Variants in DNAH6 observed in about 807,000 individuals in gnomAD.
DNAH6 encodes the protein axonemal beta dynein heavy chain 6.
In DNAH6, 340 loss-of-function variants were observed where a neutral mutation model predicts 491.4. The observed-to-expected ratio is 0.69, with a 90% CI of 0.63 to 0.76. The LOEUF (loss-of-function observed/expected upper bound fraction) is 0.76, where lower values mean the gene tolerates loss of function less well. Among genes scored for constraint, DNAH6 ranks in the 30% least tolerant of loss-of-function variants. The pLI is 0.00. For missense variants in DNAH6, 4,443 were observed against 4,972.2 expected, an observed-to-expected ratio of 0.89 and a Z score of 3.20; for synonymous variants, 1,603 against 1,686.1, an observed-to-expected ratio of 0.95 and a Z score of 1.21.
In DNAH6 at chr2:84,733,587, G is replaced by A. The variant is rs1201778527; in HGVS notation, c.10342+8G>A. Reference sequence around the variant, plus strand: ...CTATTTCCATACGCTTAGGTAATGTGACAAAAAGAACCTGCTGAGGAGGCT... The same window carrying A: ...CTATTTCCATACGCTTAGGTAATGTAACAAAAAGAACCTGCTGAGGAGGCT... On this transcript the variant is annotated splice_region_variant and intron_variant, in intron 62 of 76. Transcript: ENST00000389394. 1 of 1,549,812 alleles carries A rather than the reference G, an allele frequency of 6.5e-7. No individual in the cohort carries two copies. The highest frequency in any genetic ancestry group is 2.0e-5 in the Admixed American group (1 of 50,918).
the DNAH6 span, among the ~76,000 whole-genome samples, chr2:84,485,601 T>C: frequency 1.3e-5 from 2 of 152,140 alleles, no homozygotes; most frequent in Non-Finnish European, 2.9e-5. Context: ...GAGGCTGTAC[T>C]ACGTGCTGCT....
At chr2:84,670,228 C>G (rs1692597946) in intron 38 of DNAH6, 100 bp from the exon 39 acceptor site, 1 of 790,390 alleles carries the variant, frequency 1.3e-6, no homozygotes, top group Non-Finnish European at 2.0e-6. Flanking sequence ...TTTAACCTCT[C>G]TCTTTTTATC....
intron 5 of DNAH6, among the ~76,000 whole-genome samples, chr2:84,546,377 C>T (rs1678789845): frequency 1.3e-5 from 2 of 152,184 alleles, no homozygotes; most frequent in Admixed American, 6.5e-5. Context: ...AGTTGTTATA[C>T]TATATTGTTT....
chr2:84,747,860 G>A (rs1673115719), intron 63 of DNAH6, among the ~76,000 whole-genome samples: 1 of 152,176 alleles, frequency 6.6e-6, no homozygotes, highest in South Asian at 2.1e-4. Context: ...CCCAACTGCA[G>A]GCTTAACATC....
chr2:84,518,445 A>C (rs1675802428), intron 2 of DNAH6, among the ~76,000 whole-genome samples: 1 of 152,256 alleles, frequency 6.6e-6, no homozygotes, highest in Admixed American at 6.5e-5. Flanking sequence ...GTATTTAAAA[A>C]ATTGTGTGCA....
At position 84,638,447 on chromosome 2, in the gene DNAH6, G is replaced by A. The variant is rs138838654; in HGVS notation, c.4821+1070G>A. Among the ~76,000 whole-genome samples, 528 of 151,810 alleles carry A rather than the reference G, an allele frequency of 3.5e-3. 1 individual carries two copies. Among genetic ancestry groups the A allele is most frequent in the Non-Finnish European group, 5.5e-3 (375 of 67,918 alleles). The stretch of plus-strand genomic sequence containing the variant: ...TGTGACCACCAAGACCAAAATATAA[G>A]GCATTTTTAGGACTCCAGAAGACCC... On this transcript the variant is annotated intron_variant, in intron 31 of 76. Coordinates refer to ENST00000389394, the MANE Select transcript of DNAH6 (RefSeq NM_001370.2).
chr2:84,748,517 C>T (rs1673173967), intron 63 of DNAH6, among the ~76,000 whole-genome samples: 1 of 152,170 alleles, frequency 6.6e-6, no homozygotes, highest in South Asian at 2.1e-4. Flanking sequence ...CAAGGGTGAC[C>T]TTTGTTCCAG....
Position 84,588,994 on chromosome 2 carries a change from T to C in DNAH6, c.2610+40T>C, listed in dbSNP as rs760896647. The C allele has an allele frequency of 2.4e-5, 37 of 1,513,192 alleles. No homozygotes were observed. The African/African-American group carries it at 4.6e-4, about 19-fold the overall frequency. The allele number at this position is 1,513,192 out of a possible 1,614,324, so 93.7% of individuals were successfully genotyped here. ...ACACCATCTGTCTTAGAAATGTGTG[T>C]ATAGAAATGGCGTATATGCACAAGG... is the stretch of plus-strand genomic sequence containing the variant. On this transcript the variant is annotated intron_variant, in intron 16 of 76. Coordinates refer to ENST00000389394, the MANE Select transcript of DNAH6 (RefSeq NM_001370.2).
intron 15 of DNAH6, among the ~76,000 whole-genome samples, chr2:84,586,012 A>G (rs995965751): frequency 5.3e-5 from 8 of 152,158 alleles, no homozygotes; most frequent in African/African-American, 1.7e-4. Context: ...GCTGCTGTTC[A>G]TGGCACCAGG....
chr2:84,619,236 A>G (rs1307471428), intron 23 of DNAH6, among the ~76,000 whole-genome samples: 2 of 152,182 alleles, frequency 1.3e-5, no homozygotes, highest in Admixed American at 6.5e-5. Flanking sequence ...ACATTCACAC[A>G]ACCCAATAAG....
chr2:84,573,973 C>G (rs994671920), intron 12 of DNAH6, among the ~76,000 whole-genome samples: 2 of 152,016 alleles, frequency 1.3e-5, no homozygotes, highest in Non-Finnish European at 2.9e-5. Context: ...CTTTTTTCTT[C>G]TGGGACTACA....
chr2:84,525,853 A>T, intron 3 of DNAH6, 115 bp downstream of exon 3: 1 of 770,422 alleles, frequency 1.3e-6, no homozygotes, highest in East Asian at 2.8e-5. Context: ...ATAAGGTTGC[A>T]TAATGAGTTT....
chr2:84,606,760 G>T lies in DNAH6; in HGVS notation c.3175-216G>T, dbSNP rs10193468. ...TAATTACAGGATCAGCAGAAATTTG[G>T]CAATCAGAAGTCCTAGGTGACCTTT... On this transcript the variant is annotated intron_variant, in intron 20 of 76. Coordinates refer to ENST00000389394, the MANE Select transcript of DNAH6 (RefSeq NM_001370.2). 0.82 allele frequency among the ~76,000 whole-genome samples: 124,775 copies of T among 152,036 alleles called. 53,321 individuals carry two copies. The highest frequency in any genetic ancestry group is 0.99 in the East Asian group (5,099 of 5,172).
intron 2 of DNAH6, 35 bp downstream of exon 2, chr2:84,518,086 C>T: frequency 6.8e-7 from 1 of 1,465,490 alleles, no homozygotes. Context: ...GCCTCTGTAG[C>T]CACAGAGGAA....
At chr2:84,710,851 TAAA>T (rs34105401) in intron 56 of DNAH6, among the ~76,000 whole-genome samples, 1 of 144,970 alleles carries the variant, frequency 6.9e-6, no homozygotes, top group South Asian at 2.2e-4. Flanking sequence ...TAACTTTTGT[TAAA>T]AAAAAAAAAA....
rs941911913 is a variant in DNAH6 at position 84,699,576 on chromosome 2, T to C, written c.7678-18T>C. 4 of 1,542,988 alleles carry C rather than the reference T, an allele frequency of 2.6e-6. No homozygotes were observed. The highest frequency in any genetic ancestry group is 3.5e-6 in the Non-Finnish European group (4 of 1,142,086). ...TAATCATTATTTTAAACTGAAAAAATAACTTTCTTTTTGTCAGGTGTTTCA... is the reference window on the plus strand; with the variant it reads ...TAATCATTATTTTAAACTGAAAAAACAACTTTCTTTTTGTCAGGTGTTTCA... On this transcript the variant is annotated intron_variant, in intron 47 of 76. Coordinates refer to ENST00000389394, the MANE Select transcript of DNAH6 (RefSeq NM_001370.2).
In DNAH6 at chr2:84,570,930, G is replaced by A. The variant is rs565145309; in HGVS notation, c.1804-2537G>A. On this transcript the variant is annotated intron_variant, in intron 11 of 76. Coordinates refer to ENST00000389394, the MANE Select transcript of DNAH6 (RefSeq NM_001370.2). ...ATGAAGTCAGCAAGACCACGAACCC[G>A]CTGGGAGGAACAAACAACTCCGGAC... is the stretch of plus-strand genomic sequence containing the variant. 2.4e-4 allele frequency among the ~76,000 whole-genome samples: 36 copies of A among 152,168 alleles called. No individual in the cohort carries two copies. In the South Asian group the frequency reaches 5.4e-3, roughly 23 times the overall value.
At chr2:84,796,008 T>G (rs535172770) in intron 68 of DNAH6, among the ~76,000 whole-genome samples, 127 of 152,228 alleles carry the variant, frequency 8.3e-4, no homozygotes, top group Non-Finnish European at 1.6e-3. Flanking sequence ...AATCAGTATT[T>G]CAAAGCAAAA....
chr2:84,710,784 A>G (rs774367686), intron 56 of DNAH6, among the ~76,000 whole-genome samples: 13 of 152,150 alleles, frequency 8.5e-5, no homozygotes, highest in Non-Finnish European at 1.3e-4. Flanking sequence ...GTGGATACAA[A>G]CATTATTTTT....
Sources: gnomAD v4.1 joint callset for allele counts (sites outside exome capture counted in the v4.1 genomes callset) on GRCh38, gnomAD v4.1.1 for gene constraint, MANE v1.5 for transcripts, NCBI Gene and HGNC (gene_info 2026-07-23, HGNC 2026-07-21) for gene names.